The following SLC16A1 variants were observed in gnomAD, a reference collection of about 807,000 sequenced individuals.
SLC16A1 encodes the protein monocarboxylate transporter 1.
SLC16A1 carries 11 observed loss-of-function variants against 32.2 expected under a neutral mutation model. The ratio of observed to expected loss-of-function variants is 0.34; its 90% CI spans 0.21 to 0.56. SLC16A1 has a LOEUF of 0.56. Ranked by LOEUF, SLC16A1 falls within the 20% of genes least tolerant of loss-of-function variation. The pLI is 0.87. For synonymous variants in SLC16A1, 231 were observed against 226.8 expected (o/e 1.02, Z -0.17); for missense variants, 435 against 615.0 (o/e 0.71, Z 3.10).
chr1:112,953,950 T>C (rs1163874397), intron 1 of SLC16A1, among the ~76,000 whole-genome samples: 1 of 152,252 alleles, frequency 6.6e-6, no homozygotes, highest in Non-Finnish European at 1.5e-5. Flanking sequence ...GTATTTGCTG[T>C]GGCAATTATA....
chr1:112,934,337 A>G (rs1649228556), intron 1 of SLC16A1, among the ~76,000 whole-genome samples: 1 of 152,228 alleles, frequency 6.6e-6, no homozygotes, highest in African/African-American at 2.4e-5. Flanking sequence ...AATCCAGAAC[A>G]CATTTTATCC....
rs761298128 is a variant in SLC16A1, at chr1:112,912,237, T to C, written c.*1654A>G. Reference sequence around the variant, plus strand: ...TAAATCATATACACAAATATCAAGGTTCAAAAGCTGGAGGATTTAATTCAA... The same window carrying C: ...TAAATCATATACACAAATATCAAGGCTCAAAAGCTGGAGGATTTAATTCAA... On this transcript the variant is annotated 3_prime_UTR_variant, in exon 5 of 5. Coordinates refer to ENST00000369626, the MANE Select transcript of SLC16A1 (RefSeq NM_003051.4). The C allele has an allele frequency of 5.2e-4, 79 of 152,188 alleles. No individual in the cohort carries two copies. The highest frequency in any genetic ancestry group is 1.4e-3 in the African/African-American group (57 of 41,446). 9.4% of individuals were successfully genotyped at this position (152,188 alleles called of 1,614,324 possible).
intron 4 of SLC16A1, 55 bp from the exon 5 acceptor site, chr1:112,914,220 T>G: frequency 6.3e-7 from 1 of 1,595,364 alleles, no homozygotes; most frequent in Admixed American, 1.7e-5. Flanking sequence ...AGTTTTTTTT[T>G]CCCCCAAGCA....
chr1:112,953,194 G>A (rs980913269), intron 1 of SLC16A1, among the ~76,000 whole-genome samples: 3 of 134,260 alleles, frequency 2.2e-5, no homozygotes, highest in South Asian at 2.3e-4. Context: ...TTGCTCTGTC[G>A]CCTGAGCTGA....
chr1:112,920,346 G>A (rs1369338081), intron 3 of SLC16A1, among the ~76,000 whole-genome samples: 1 of 152,114 alleles, frequency 6.6e-6, no homozygotes, highest in South Asian at 2.1e-4. Flanking sequence ...AGTGGCTCAC[G>A]CCTGTAATCC....
At chr1:112,941,094 A>G (rs981169946) in intron 1 of SLC16A1, among the ~76,000 whole-genome samples, 1 of 152,176 alleles carries the variant, frequency 6.6e-6, no homozygotes, top group Non-Finnish European at 1.5e-5. Flanking sequence ...TTCTATGCTT[A>G]CTTCCTGGGT....
chr1:112,920,199 G>T (rs949108662), intron 3 of SLC16A1, among the ~76,000 whole-genome samples: 4 of 152,220 alleles, frequency 2.6e-5, no homozygotes, highest in African/African-American at 9.6e-5. Flanking sequence ...GTAGCTGGGC[G>T]TGGTCGCTCA....
At chr1:112,955,850 G>A (rs1277826402) in intron 1 of SLC16A1, 185 bp downstream of exon 1, 1 of 152,010 alleles carries the variant, frequency 6.6e-6, no homozygotes, top group African/African-American at 2.4e-5. Context: ...GCGCCTCAAG[G>A]TCTCCTTCAC....
chr1:112,923,837 C>T, intron 2 of SLC16A1: 1 of 1,505,650 alleles, frequency 6.6e-7, no homozygotes, highest in Non-Finnish European at 9.2e-7. Context: ...ATGGCTGGAC[C>T]CTGCCCACTG....
chr1:112,931,953 A>G (rs990256005), intron 1 of SLC16A1, among the ~76,000 whole-genome samples: 2 of 152,182 alleles, frequency 1.3e-5, no homozygotes, highest in African/African-American at 4.8e-5. Context: ...CACAGGTCAG[A>G]GATGACAAGT....
In SLC16A1 at chr1:112,922,102, A is replaced by G. The variant is rs769354711; in HGVS notation, c.249T>C (p.Tyr83=). 5 of 1,614,168 alleles carry G rather than the reference A, an allele frequency of 3.1e-6. No homozygotes were observed. Among genetic ancestry groups the G allele is most frequent in the Middle Eastern group, 3.3e-4 (2 of 6,062 alleles). Residue 83 remains tyrosine (Y), a synonymous_variant, in exon 3 of 5, where the codon TAT becomes TAC. Coordinates refer to ENST00000369626, the MANE Select transcript of SLC16A1 (RefSeq NM_003051.4). ...GPISSILVNK[Y]GSRIVMIVGG... ...CAACAATCATGACTATACGACTTCC[A>G]TATTTATTCACCAGGATACTGCTGA... is the stretch of plus-strand genomic sequence containing the variant.
chr1:112,950,990 A>G (rs906581425), intron 1 of SLC16A1, among the ~76,000 whole-genome samples: 1 of 151,862 alleles, frequency 6.6e-6, no homozygotes, highest in Admixed American at 6.6e-5. Context: ...GAGTGAATTT[A>G]TAAATTTATA....
At chr1:112,950,506 A>G (rs888053922) in intron 1 of SLC16A1, among the ~76,000 whole-genome samples, 3 of 152,242 alleles carry the variant, frequency 2.0e-5, no homozygotes, top group African/African-American at 7.2e-5. Context: ...AGGCTAAGTC[A>G]TTGTAATTAA....
At chr1:112,920,302 G>A (rs1333728318) in intron 3 of SLC16A1, among the ~76,000 whole-genome samples, 4 of 152,064 alleles carry the variant, frequency 2.6e-5, no homozygotes, top group East Asian at 1.9e-4. Context: ...GTGAAACCCC[G>A]TCTCTATTAA....
At chr1:112,953,187 C>T (rs1335946586) in intron 1 of SLC16A1, among the ~76,000 whole-genome samples, 4 of 133,072 alleles carry the variant, frequency 3.0e-5, no homozygotes, top group Non-Finnish European at 4.7e-5. Context: ...CAGAGTCTTG[C>T]TCTGTCGCCT....
intron 1 of SLC16A1, among the ~76,000 whole-genome samples, chr1:112,932,106 T>C (rs989766356): frequency 4.6e-5 from 7 of 152,144 alleles, no homozygotes; most frequent in African/African-American, 1.2e-4. Context: ...GGGAGTATGA[T>C]GAAAATAGCT....
rs187317090 is a variant in SLC16A1 at position 112,922,728 on chromosome 1, T to C, written c.218-595A>G. On this transcript the variant is annotated intron_variant, in intron 2 of 4. Transcript: ENST00000369626. Reference sequence around the variant, plus strand: ...AGGTGGAGGTTGCAGTGAGCCAAGATTGCGCCACTGCACTCCAGCCTGGGC... The same window carrying C: ...AGGTGGAGGTTGCAGTGAGCCAAGACTGCGCCACTGCACTCCAGCCTGGGC... Among the ~76,000 whole-genome samples, 809 of 152,080 alleles carry C rather than the reference T, an allele frequency of 5.3e-3. 10 individuals carry two copies. Among genetic ancestry groups the C allele is most frequent in the African/African-American group, 0.019 (773 of 41,504 alleles).
intron 1 of SLC16A1, among the ~76,000 whole-genome samples, chr1:112,942,326 T>C (rs1200334267): frequency 2.6e-5 from 4 of 152,216 alleles, no homozygotes; most frequent in Non-Finnish European, 4.4e-5. Flanking sequence ...CTTTGCTAAA[T>C]ATTAGTCCAA....
rs1240248056 is a variant in SLC16A1, at chr1:112,930,880, G to A, written c.-44-1528C>T. On this transcript the variant is annotated intron_variant, in intron 1 of 4. Transcript: ENST00000369626. ...ACTACAGGCACACGCCATCACCTTT[G>A]ACTGATTTTTGTATTTTTAGTAGAG... Among the ~76,000 whole-genome samples, 3 of 152,118 alleles carry A rather than the reference G, an allele frequency of 2.0e-5. No individual in the cohort carries two copies. In the East Asian group the frequency reaches 5.8e-4, roughly 29 times the overall value.
Sources: allele counts gnomAD v4.1 joint callset (sites outside exome capture counted in the v4.1 genomes callset), GRCh38; gene constraint gnomAD v4.1.1; transcripts MANE v1.5; gene names NCBI Gene and HGNC (gene_info 2026-07-23, HGNC 2026-07-21).